The following ATOSA variants were observed in gnomAD, a reference collection of about 807,000 sequenced individuals.
ATOSA encodes the protein atos homolog protein A.
chr15:52,592,488 T>C, the ATOSA span, among the ~76,000 whole-genome samples: 5 of 152,162 alleles, frequency 3.3e-5, no homozygotes, highest in Non-Finnish European at 7.3e-5. Flanking sequence ...GCTTATATTA[T>C]CCACAAGCCA....
At chr15:52,666,446 T>C in the ATOSA span, among the ~76,000 whole-genome samples, 953 of 152,328 alleles carry the variant, frequency 6.3e-3, 6 homozygotes, top group African/African-American at 0.022. Flanking sequence ...TATATTTACA[T>C]AGCACTCTAT....
chr15:52,601,136 G>T, the ATOSA span: 1 of 1,542,176 alleles, frequency 6.5e-7, no homozygotes, highest in East Asian at 2.4e-5. Context: ...CCAGATCAAA[G>T]CAACCTGATT....
chr15:52,637,363 A>G, the ATOSA span, among the ~76,000 whole-genome samples: 1 of 152,206 alleles, frequency 6.6e-6, no homozygotes, highest in Non-Finnish European at 1.5e-5. Flanking sequence ...AATGATACAT[A>G]CATGTAGCAT....
At chr15:52,622,514 A>G in the ATOSA span, among the ~76,000 whole-genome samples, 4 of 152,232 alleles carry the variant, frequency 2.6e-5, no homozygotes, top group Non-Finnish European at 5.9e-5. Context: ...CTTGGAGCTT[A>G]TATTGTTGTG....
At chr15:52,701,096 T>C in the ATOSA span, among the ~76,000 whole-genome samples, 1 of 152,220 alleles carries the variant, frequency 6.6e-6, no homozygotes, top group Non-Finnish European at 1.5e-5. Context: ...AATTAAAATA[T>C]ACAACAAAGC....
the ATOSA span, among the ~76,000 whole-genome samples, chr15:52,671,236 TA>T: frequency 6.6e-6 from 1 of 152,236 alleles, no homozygotes; most frequent in African/African-American, 2.4e-5. Flanking sequence ...ATATAACCTT[TA>T]TTTAAGTTAT....
chr15:52,593,032 C>T, the ATOSA span, among the ~76,000 whole-genome samples: 15 of 152,078 alleles, frequency 9.9e-5, no homozygotes, highest in Non-Finnish European at 1.8e-4. Context: ...GTAGACCCAG[C>T]TATTTAGGAG....
At chr15:52,610,084 G>A in the ATOSA span, 2 of 1,613,970 alleles carry the variant, frequency 1.2e-6, no homozygotes, top group Non-Finnish European at 1.7e-6. Context: ...CACACTTTCA[G>A]GTGCCATGGT....
At chr15:52,605,376 G>C in the ATOSA span, 5 of 603,302 alleles carry the variant, frequency 8.3e-6, no homozygotes, top group Non-Finnish European at 1.4e-5. Flanking sequence ...GTGATATACA[G>C]GTGGGATATC....
At chr15:52,681,467 C>T in the ATOSA span, among the ~76,000 whole-genome samples, 2 of 152,182 alleles carry the variant, frequency 1.3e-5, no homozygotes, top group African/African-American at 2.4e-5. Flanking sequence ...TGTTTAGACT[C>T]TGACAATAGT....
At chr15:52,593,342 A>AT in the ATOSA span, 2 of 432,460 alleles carry the variant, frequency 4.6e-6, no homozygotes, top group East Asian at 4.3e-5. Context: ...AATTTTTATC[A>AT]TTTTTTCAAG....
the ATOSA span, among the ~76,000 whole-genome samples, chr15:52,634,552 T>TA: frequency 0.023 from 3,431 of 151,080 alleles, 105 homozygotes; most frequent in African/African-American, 0.071. Context: ...TTTTTTTTTT[T>TA]AAAAAGCAAG....
At chr15:52,608,952 A>T in the ATOSA span, 1 of 1,610,400 alleles carries the variant, frequency 6.2e-7, no homozygotes, top group Non-Finnish European at 8.5e-7. Context: ...CCTTATACTT[A>T]TTTGTACAAA....
At chr15:52,600,233 G>A in the ATOSA span, 1 of 1,585,436 alleles carries the variant, frequency 6.3e-7, no homozygotes, top group Non-Finnish European at 8.6e-7. Flanking sequence ...ACATGGTCGA[G>A]GACTATTAGA....
At chr15:52,646,379 G>A in the ATOSA span, among the ~76,000 whole-genome samples, 15 of 152,258 alleles carry the variant, frequency 9.9e-5, no homozygotes, top group Non-Finnish European at 1.9e-4. Context: ...AAGAGATTCC[G>A]GGTGGCAGTC....
the ATOSA span, among the ~76,000 whole-genome samples, chr15:52,699,959 C>T: frequency 3.3e-5 from 5 of 152,162 alleles, no homozygotes; most frequent in African/African-American, 9.7e-5. Context: ...CATGGGGCAT[C>T]CTAAAACACA....
At chr15:52,603,500 G>T in the ATOSA span, among the ~76,000 whole-genome samples, 1 of 152,116 alleles carries the variant, frequency 6.6e-6, no homozygotes, top group African/African-American at 2.4e-5. Context: ...GGAAAAAAAA[G>T]GGAAATTAGT....
At chr15:52,677,740 T>C in the ATOSA span, among the ~76,000 whole-genome samples, 2 of 152,340 alleles carry the variant, frequency 1.3e-5, no homozygotes, top group African/African-American at 4.8e-5. Context: ...TGGCAACAGA[T>C]ACAAATACCA....
the ATOSA span, among the ~76,000 whole-genome samples, chr15:52,660,307 T>C: frequency 2.6e-5 from 4 of 152,240 alleles, no homozygotes; most frequent in Non-Finnish European, 5.9e-5. Context: ...CAGTATAATA[T>C]GAAGAAATGA....
Sources: allele counts gnomAD v4.1 joint callset (sites outside exome capture counted in the v4.1 genomes callset), GRCh38; gene constraint gnomAD v4.1.1; transcripts MANE v1.5; gene names NCBI Gene and HGNC (gene_info 2026-07-23, HGNC 2026-07-21).